The following RPS6KC1 variants were observed in gnomAD, a reference collection of about 807,000 sequenced individuals.
RPS6KC1 encodes ribosomal protein S6 kinase C1.
A neutral mutation model predicts 103.8 loss-of-function variants in RPS6KC1; 54 were observed. That is an observed-to-expected ratio of 0.52 (90% confidence interval 0.42 to 0.65). The LOEUF (loss-of-function observed/expected upper bound fraction) is 0.65. Ranked by LOEUF, RPS6KC1 falls within the 30% of genes least tolerant of loss-of-function variation. The pLI is 0.00. For missense variants in RPS6KC1, 1,151 were observed against 1,253.8 expected, an observed-to-expected ratio of 0.92 and a Z score of 1.24; for synonymous variants, 439 against 438.7, an observed-to-expected ratio of 1.00 and a Z score of -0.01.
the RPS6KC1 span, chr1:213,818,446 G>T: frequency 1.3e-5 from 2 of 152,150 alleles, no homozygotes; most frequent in Non-Finnish European, 2.9e-5. Flanking sequence ...TAGCGGTCTG[G>T]ATAAAACATC....
the RPS6KC1 span, among the ~76,000 whole-genome samples, chr1:213,379,949 A>G: frequency 6.6e-6 from 1 of 152,160 alleles, no homozygotes; most frequent in Non-Finnish European, 1.5e-5. Context: ...CAGAAATACC[A>G]TTCGATCCAG....
the RPS6KC1 span, among the ~76,000 whole-genome samples, chr1:213,748,780 T>G: frequency 1.3e-5 from 2 of 152,202 alleles, no homozygotes; most frequent in African/African-American, 4.8e-5. Flanking sequence ...AGGAGAGATA[T>G]ATCACCTTTC....
chr1:213,385,392 G>C, the RPS6KC1 span, among the ~76,000 whole-genome samples: 1 of 152,222 alleles, frequency 6.6e-6, no homozygotes, highest in Non-Finnish European at 1.5e-5. Flanking sequence ...CACACAGCTA[G>C]TAATGGTAAA....
At chr1:213,693,356 C>G in the RPS6KC1 span, among the ~76,000 whole-genome samples, 3 of 152,230 alleles carry the variant, frequency 2.0e-5, no homozygotes, top group African/African-American at 7.2e-5. Flanking sequence ...AGCTATGGCT[C>G]ACCCTGTGTG....
At chr1:213,827,955 C>T in the RPS6KC1 span, among the ~76,000 whole-genome samples, 2 of 152,110 alleles carry the variant, frequency 1.3e-5, no homozygotes, top group Non-Finnish European at 2.9e-5. Flanking sequence ...ATGAAGGTTT[C>T]CATGCAAACT....
chr1:213,567,444 C>G, the RPS6KC1 span, among the ~76,000 whole-genome samples: 3 of 152,362 alleles, frequency 2.0e-5, no homozygotes, highest in African/African-American at 7.2e-5. Context: ...TGGCAGCTCT[C>G]CCACAGGCAG....
At chr1:213,400,538 C>T in the RPS6KC1 span, among the ~76,000 whole-genome samples, 1 of 152,048 alleles carries the variant, frequency 6.6e-6, no homozygotes, top group African/African-American at 2.4e-5. Flanking sequence ...CTGTCCCTGC[C>T]CCTTCCAGAG....
At chr1:213,102,516 T>G (rs952903313) in intron 3 of RPS6KC1, among the ~76,000 whole-genome samples, 1 of 152,242 alleles carries the variant, frequency 6.6e-6, no homozygotes, top group Non-Finnish European at 1.5e-5. Flanking sequence ...ATAATTTGTT[T>G]ATATGCTATT....
chr1:213,069,948 T>C (rs1011781501), intron 1 of RPS6KC1, among the ~76,000 whole-genome samples: 7 of 152,240 alleles, frequency 4.6e-5, no homozygotes, highest in African/African-American at 1.7e-4. Context: ...TTTTACCTGG[T>C]GTTAGACTTT....
chr1:213,538,363 T>G, the RPS6KC1 span, among the ~76,000 whole-genome samples: 531 of 152,222 alleles, frequency 3.5e-3, 1 homozygote, highest in African/African-American at 0.012. Context: ...TCTTATTAGG[T>G]AGTACAGAAT....
chr1:213,690,350 G>A, the RPS6KC1 span, among the ~76,000 whole-genome samples: 1 of 152,188 alleles, frequency 6.6e-6, no homozygotes, highest in Admixed American at 6.5e-5. Context: ...CAAAGCAGTA[G>A]ACTTTTCTGG....
the RPS6KC1 span, among the ~76,000 whole-genome samples, chr1:213,472,626 A>G: frequency 6.6e-6 from 1 of 152,220 alleles, no homozygotes. Flanking sequence ...TATGCTCAGC[A>G]GCTGGAAAGC....
At chr1:213,182,716 C>T (rs1225371930) in intron 8 of RPS6KC1, among the ~76,000 whole-genome samples, 1 of 149,324 alleles carries the variant, frequency 6.7e-6, no homozygotes, top group Non-Finnish European at 1.5e-5. Flanking sequence ...AAACTCACTT[C>T]AAACATAATA....
chr1:213,444,815 C>G, the RPS6KC1 span, among the ~76,000 whole-genome samples: 1 of 151,456 alleles, frequency 6.6e-6, no homozygotes, highest in Admixed American at 6.6e-5. Flanking sequence ...ACTGTGGGCT[C>G]ACTCACATAC....
the RPS6KC1 span, among the ~76,000 whole-genome samples, chr1:213,733,302 C>T: frequency 2.0e-5 from 3 of 150,512 alleles, no homozygotes; most frequent in Non-Finnish European, 4.4e-5. Context: ...TACAGTGGTG[C>T]GAACATGGCT....
chr1:213,549,104 G>A, the RPS6KC1 span, among the ~76,000 whole-genome samples: 143 of 152,238 alleles, frequency 9.4e-4, no homozygotes, highest in African/African-American at 3.3e-3. Flanking sequence ...AAAGTCCCTG[G>A]GCTCAGGAGA....
At chr1:213,734,120 A>G in the RPS6KC1 span, among the ~76,000 whole-genome samples, 1 of 152,218 alleles carries the variant, frequency 6.6e-6, no homozygotes, top group African/African-American at 2.4e-5. Flanking sequence ...TCTCTTTAGA[A>G]ACTAGCTATG....
chr1:213,602,100 CTTTCTTTCTTTCTTTCTTTCTCTTTCTT>C, the RPS6KC1 span, among the ~76,000 whole-genome samples: 1 of 22,902 alleles, frequency 4.4e-5, no homozygotes. Context: ...TTCTTTCTTT[CTTTCTTTCTTTCTTTCTTTCTCTTTCTT>C]TCTTTCTTTC....
At chr1:213,191,370 T>G (rs888595097) in intron 8 of RPS6KC1, among the ~76,000 whole-genome samples, 1 of 152,166 alleles carries the variant, frequency 6.6e-6, no homozygotes, top group African/African-American at 2.4e-5. Flanking sequence ...CTTTGGTTAA[T>G]TCCTAGGTAT....
Sources: gnomAD v4.1 joint callset for allele counts (sites outside exome capture counted in the v4.1 genomes callset) on GRCh38, gnomAD v4.1.1 for gene constraint, MANE v1.5 for transcripts, NCBI Gene and HGNC (gene_info 2026-07-23, HGNC 2026-07-21) for gene names.